Variants in AKAP7 observed in about 807,000 individuals in gnomAD.
AKAP7 encodes the protein A-kinase anchoring protein 7.
Under a neutral mutation model 39.5 loss-of-function variants are expected in AKAP7, and 39 were observed. The observed-to-expected ratio is 0.99, with a 90% CI of 0.76 to 1.29. AKAP7 has a LOEUF of 1.29. Ranked by LOEUF, AKAP7 falls within the 50% of genes most tolerant of loss-of-function variation. AKAP7 has a pLI of 0.00. For synonymous variants in AKAP7, 140 were observed against 139.1 expected, an observed-to-expected ratio of 1.01 and a Z score of -0.05; for missense variants, 414 against 407.7, an observed-to-expected ratio of 1.02 and a Z score of -0.13.
chr6:131,149,700 AGGGTGGACAC>A (rs1176716961), intron 2 of AKAP7, among the ~76,000 whole-genome samples: 1 of 152,222 alleles, frequency 6.6e-6, no homozygotes, highest in African/African-American at 2.4e-5. Flanking sequence ...TTGGCTCCAT[AGGGTGGACAC>A]GTTTTAGGAG....
intron 6 of AKAP7, among the ~76,000 whole-genome samples, chr6:131,216,632 T>C (rs1201625163): frequency 6.6e-6 from 1 of 152,258 alleles, no homozygotes; most frequent in East Asian, 1.9e-4. Context: ...TCATTTCTAA[T>C]GATTAATTAA....
chr6:131,188,741 C>G (rs754755275), intron 5 of AKAP7, among the ~76,000 whole-genome samples: 8 of 143,232 alleles, frequency 5.6e-5, no homozygotes, highest in Non-Finnish European at 9.1e-5. Context: ...TTTGTAGAGA[C>G]AGGGTTTCAC....
intron 5 of AKAP7, among the ~76,000 whole-genome samples, chr6:131,180,829 G>T (rs950298880): frequency 3.5e-4 from 29 of 82,108 alleles, no homozygotes; most frequent in Non-Finnish European, 3.7e-4. Flanking sequence ...TTTTTTGTTT[G>T]TTTTGTTTTT....
Position 131,282,055 on chromosome 6 carries a change from G to A in AKAP7, c.*329G>A. The A allele has an allele frequency of 8.8e-7, 1 of 1,137,128 alleles. No homozygotes were observed. Among genetic ancestry groups the A allele is most frequent in the Non-Finnish European group, 1.1e-6 (1 of 929,044 alleles). The allele number at this position is 1,137,128 out of a possible 1,614,324, so 70.4% of individuals were successfully genotyped here. ...CCGAGAAAGAGGCCTTGCCATCAAT[G>A]GAATACTGCCATTTATATTGCTTAG... On this transcript the variant is annotated 3_prime_UTR_variant, in exon 8 of 8. Coordinates refer to ENST00000431975, the MANE Select transcript of AKAP7 (RefSeq NM_016377.4).
intron 7 of AKAP7, among the ~76,000 whole-genome samples, chr6:131,223,245 C>T (rs1809861861): frequency 6.6e-6 from 1 of 152,154 alleles, no homozygotes; most frequent in Non-Finnish European, 1.5e-5. Flanking sequence ...TGAGGTATGC[C>T]TGTATATGTA....
intron 4 of AKAP7, among the ~76,000 whole-genome samples, chr6:131,166,758 T>C (rs1188867349): frequency 6.6e-6 from 1 of 152,204 alleles, no homozygotes; most frequent in Non-Finnish European, 1.5e-5. Flanking sequence ...ATGAGGTTTC[T>C]GGGAAGACAT....
At chr6:131,161,402 T>C (rs1229815092) in intron 3 of AKAP7, among the ~76,000 whole-genome samples, 1 of 151,956 alleles carries the variant, frequency 6.6e-6, no homozygotes, top group African/African-American at 2.4e-5. Flanking sequence ...CCCAGCACTT[T>C]GGGAAGCTGA....
chr6:131,214,356 C>A (rs73633687), intron 6 of AKAP7, among the ~76,000 whole-genome samples: 5,598 of 152,090 alleles, frequency 0.037, 323 homozygotes, highest in African/African-American at 0.12. Context: ...AACATTAAAC[C>A]AGACTGGAAT....
intron 7 of AKAP7, among the ~76,000 whole-genome samples, chr6:131,220,555 G>A (rs1297194851): frequency 1.3e-5 from 2 of 152,160 alleles, no homozygotes; most frequent in Non-Finnish European, 2.9e-5. Context: ...AAAGTAACAT[G>A]AAAATACTCA....
At chr6:131,185,885 T>C (rs1424051572) in intron 5 of AKAP7, among the ~76,000 whole-genome samples, 1 of 152,272 alleles carries the variant, frequency 6.6e-6, no homozygotes, top group Non-Finnish European at 1.5e-5. Flanking sequence ...CAAGAAATCA[T>C]TGCCAAATCT....
chr6:131,127,826 C>G, the AKAP7 span, among the ~76,000 whole-genome samples: 1 of 152,114 alleles, frequency 6.6e-6, no homozygotes, highest in Non-Finnish European at 1.5e-5. Flanking sequence ...ACCTATACAC[C>G]ATGGAATACT....
chr6:131,268,916 A>G (rs1585213883), intron 7 of AKAP7, among the ~76,000 whole-genome samples: 1 of 152,296 alleles, frequency 6.6e-6, no homozygotes, highest in East Asian at 1.9e-4. Context: ...TTTCTACCAG[A>G]CAAAAGCATG....
intron 5 of AKAP7, 106 bp from the exon 6 acceptor site, chr6:131,199,355 C>A: frequency 1.4e-6 from 1 of 734,516 alleles, no homozygotes; most frequent in Non-Finnish European, 2.2e-6. Flanking sequence ...AAGTAATCTT[C>A]ACTGTAAAAT....
At chr6:131,235,062 C>A (rs562382209) in intron 7 of AKAP7, among the ~76,000 whole-genome samples, 4 of 152,230 alleles carry the variant, frequency 2.6e-5, no homozygotes, top group African/African-American at 9.6e-5. Context: ...CCCCACTCCT[C>A]CCACCCCACA....
chr6:131,240,837 C>T (rs1020111612), intron 7 of AKAP7, among the ~76,000 whole-genome samples: 2 of 152,348 alleles, frequency 1.3e-5, no homozygotes, highest in South Asian at 2.1e-4. Flanking sequence ...AGGGAATTCC[C>T]TGACCCCTTG....
chr6:131,184,871 A>T, intron 5 of AKAP7: 1 of 1,325,220 alleles, frequency 7.5e-7, no homozygotes, highest in Non-Finnish European at 1.1e-6. Flanking sequence ...TCACAGGCAT[A>T]GGGCTTATCC....
intron 4 of AKAP7, among the ~76,000 whole-genome samples, chr6:131,168,061 A>G (rs1365749403): frequency 1.3e-5 from 2 of 152,178 alleles, no homozygotes; most frequent in Non-Finnish European, 2.9e-5. Flanking sequence ...CTGATTTTCC[A>G]AATATCAAAA....
At chr6:131,164,351 A>G in intron 3 of AKAP7, 2 of 454,908 alleles carry the variant, frequency 4.4e-6, no homozygotes. Context: ...ATTGCATCTA[A>G]CTGGAAGTGG....
At chr6:131,274,844 T>G (rs1814606351) in intron 7 of AKAP7, among the ~76,000 whole-genome samples, 1 of 152,170 alleles carries the variant, frequency 6.6e-6, no homozygotes, top group Non-Finnish European at 1.5e-5. Flanking sequence ...TATGCCTTTC[T>G]TATGTCTGGA....
Sources: gnomAD v4.1 joint callset for allele counts (sites outside exome capture counted in the v4.1 genomes callset) on GRCh38, gnomAD v4.1.1 for gene constraint, MANE v1.5 for transcripts, NCBI Gene and HGNC (gene_info 2026-07-23, HGNC 2026-07-21) for gene names.